The following SPNS2 variants were observed in gnomAD, a reference collection of about 807,000 sequenced individuals.
SPNS2 encodes SPNS lysolipid transporter 2, sphingosine-1-phosphate.
SPNS2 carries 37 observed loss-of-function variants against 57.6 expected under a neutral mutation model. That is an observed-to-expected ratio of 0.64 (90% CI 0.49 to 0.85). The LOEUF is 0.85. Among genes scored for constraint, SPNS2 ranks in the 40% least tolerant of loss-of-function variants. The pLI is 0.00. For synonymous variants in SPNS2, 440 were observed against 346.9 expected (o/e 1.27, Z -2.98); for missense variants, 831 against 779.1 (o/e 1.07, Z -0.79).
chr17:4,504,382 G>T (rs1390324549), intron 1 of SPNS2, among the ~76,000 whole-genome samples: 1 of 152,256 alleles, frequency 6.6e-6, no homozygotes. Context: ...CTTCCAGCAG[G>T]CTCTGCCAGC....
In SPNS2 at chr17:4,533,334, C is replaced by T. The variant is rs766702436; in HGVS notation, c.1180C>T (p.Arg394Trp). The change falls in exon 8 of 13, where the codon CGG becomes TGG. Residue 394 changes from arginine to tryptophan, a missense_variant. Physicochemically the swap from Arg to Trp is moderately radical, Grantham distance 101 (BLOSUM62 -3). Around this residue, in one of 2 missense-constraint regions of SPNS2, gnomAD observed 526 missense variants for 400.9 expected, o/e 1.31. Coordinates refer to ENST00000329078, the MANE Select transcript of SPNS2 (RefSeq NM_001124758.3). The part of the protein sequence containing the change: ...ATRWCRLKTQ[R>W]ADPLVCAVGM... ...GCGCTGGTGCCGCCTGAAGACCCAG[C>T]GGGCCGACCCACTGGTGTGTGCCGT... 2.2e-5 allele frequency: 35 copies of T among 1,611,458 alleles called. No individual in the cohort carries two copies. Among genetic ancestry groups the T allele is most frequent in the Non-Finnish European group, 2.5e-5 (29 of 1,179,558 alleles).
At chr17:4,503,316 A>G (rs1904583892) in intron 1 of SPNS2, among the ~76,000 whole-genome samples, 1 of 152,208 alleles carries the variant, frequency 6.6e-6, no homozygotes. Flanking sequence ...TTTCAGTTTA[A>G]TTGAGCCAAG....
At chr17:4,508,704 G>A (rs554912514) in intron 1 of SPNS2, among the ~76,000 whole-genome samples, 39 of 152,238 alleles carry the variant, frequency 2.6e-4, no homozygotes, top group Admixed American at 7.2e-4. Flanking sequence ...GCCAATACTC[G>A]TAGAACAGCG....
intron 3 of SPNS2, 140 bp downstream of exon 3, chr17:4,525,333 G>A: frequency 1.6e-6 from 2 of 1,250,070 alleles, no homozygotes; most frequent in Non-Finnish European, 2.2e-6. Flanking sequence ...CAGTGCAGAA[G>A]GACAGGTGGT....
chr17:4,536,259 G>T lies in SPNS2; in HGVS notation c.1444-4G>T, dbSNP rs375816086. ...CCCTGACATCCACCCCCAAATCCTC[G>T]CAGATCTCAGACCTGATCCGCCAGA... On this transcript the variant is annotated splice_region_variant and splice_polypyrimidine_tract_variant and intron_variant, in intron 10 of 12. Coordinates refer to ENST00000329078, the MANE Select transcript of SPNS2 (RefSeq NM_001124758.3). 1 of 1,611,428 alleles carries T rather than the reference G, an allele frequency of 6.2e-7. No individual in the cohort carries two copies. Among genetic ancestry groups the T allele is most frequent in the East Asian group, 2.2e-5 (1 of 44,854 alleles).
chr17:4,536,408 G>GCTGA lies in SPNS2; in HGVS notation c.1590_1591insTGAC (p.Ala531Ter), dbSNP rs1311436005. 6.2e-7 allele frequency: 1 copy of GCTGA among 1,601,460 alleles called. No individual in the cohort carries two copies. On this transcript the variant is annotated stop_gained and frameshift_variant, in exon 11 of 13. Transcript: ENST00000329078. LOFTEE classifies it high-confidence loss of function. ...ACTGCGCTCTTCTTCGTCAGCGACC[G>GCTGA]CGCCAGGGCTGAGCAGCAGTGAGTG...
In SPNS2 at chr17:4,536,389, CTCT is replaced by C. The variant is rs764334781; in HGVS notation, c.1576_1578del (p.Phe526del). ...CGGCATGTTCTTCCTCGCCACTGCGCTCTTCTTCGTCAGCGACCGCGCCAGGGC... is the reference window on the plus strand; with the variant it reads ...CGGCATGTTCTTCCTCGCCACTGCGCTCTTCGTCAGCGACCGCGCCAGGGC... On this transcript the variant is annotated inframe_deletion, in exon 11 of 13. Coordinates refer to ENST00000329078, the MANE Select transcript of SPNS2 (RefSeq NM_001124758.3). The C allele has an allele frequency of 1.3e-5, 21 of 1,606,966 alleles. No homozygotes were observed. The highest frequency in any genetic ancestry group is 8.9e-5 in the East Asian group (4 of 44,870).
In SPNS2 at chr17:4,537,568, C is replaced by T. The variant is rs999038846; in HGVS notation, c.*120C>T. 12 of 456,680 alleles carry T rather than the reference C, an allele frequency of 2.6e-5. 1 individual carries two copies. Among genetic ancestry groups the T allele is most frequent in the South Asian group, 1.5e-4 (10 of 64,582 alleles). 28.3% of individuals were successfully genotyped at this position (456,680 alleles called of 1,614,324 possible). ...TCTGTGTGATCCACGGCTAGGCACC[C>T]ACCCTCTCTGGCCCAGGCCTGCTGA... On this transcript the variant is annotated 3_prime_UTR_variant, in exon 13 of 13. Transcript: ENST00000329078.
intron 1 of SPNS2, among the ~76,000 whole-genome samples, chr17:4,505,737 A>AGAGCATC (rs1904658302): frequency 1.3e-5 from 2 of 152,120 alleles, no homozygotes; most frequent in South Asian, 4.1e-4. Flanking sequence ...AGAGGAGAGG[A>AGAGCATC]GAGCATCGGC....
chr17:4,523,206 G>A (rs1007890145), intron 2 of SPNS2, among the ~76,000 whole-genome samples: 17 of 152,188 alleles, frequency 1.1e-4, no homozygotes, highest in South Asian at 4.1e-4. Context: ...GGGAGGCCGC[G>A]GCAGGTAGAT....
At chr17:4,532,310 T>A (rs1346744052) in intron 5 of SPNS2, among the ~76,000 whole-genome samples, 2 of 152,120 alleles carry the variant, frequency 1.3e-5, no homozygotes, top group African/African-American at 4.8e-5. Flanking sequence ...TCCCTGCACC[T>A]TCCCACCTCT....
chr17:4,527,656 C>T (rs1262419191), intron 3 of SPNS2, among the ~76,000 whole-genome samples: 10 of 152,176 alleles, frequency 6.6e-5, no homozygotes, highest in Admixed American at 6.5e-4. Context: ...CTCAGCTTCT[C>T]TAGTAACCAG....
At chr17:4,500,511 A>G (rs759728887) in intron 1 of SPNS2, among the ~76,000 whole-genome samples, 1 of 152,174 alleles carries the variant, frequency 6.6e-6, no homozygotes, top group Non-Finnish European at 1.5e-5. Flanking sequence ...GGAGGAGAGC[A>G]GTACTGTGTG....
intron 1 of SPNS2, among the ~76,000 whole-genome samples, chr17:4,506,174 C>G (rs148537178): frequency 1.3e-5 from 2 of 152,274 alleles, no homozygotes; most frequent in African/African-American, 4.8e-5. Flanking sequence ...GCCTCTGTCC[C>G]GCTCACCTTC....
chr17:4,536,599 A>G, intron 11 of SPNS2, 173 bp downstream of exon 11: 4 of 849,026 alleles, frequency 4.7e-6, no homozygotes, highest in Non-Finnish European at 7.1e-6. Flanking sequence ...GTCAGCCTGG[A>G]GCTGTGGGAG....
intron 11 of SPNS2, chr17:4,536,644 TTG>T (rs1905827450): frequency 7.3e-6 from 5 of 681,764 alleles, no homozygotes; most frequent in Admixed American, 5.7e-5. Context: ...AGACTTGGGT[TTG>T]TCTCTGGACT....
chr17:4,507,556 AGAG>A, intron 1 of SPNS2, among the ~76,000 whole-genome samples: 1 of 152,376 alleles, frequency 6.6e-6, no homozygotes, highest in Non-Finnish European at 1.5e-5. Context: ...GCCATATTAC[AGAG>A]GAGGAAACTG....
chr17:4,537,313 G>A (rs916011849), intron 12 of SPNS2, 140 bp from the exon 13 acceptor site: 15 of 419,968 alleles, frequency 3.6e-5, no homozygotes, highest in Non-Finnish European at 6.4e-5. Flanking sequence ...TAGCTTCCCA[G>A]CAGCACGAGA....
At chr17:4,513,336 C>T in intron 2 of SPNS2, 24 bp downstream of exon 2, 2 of 1,612,738 alleles carry the variant, frequency 1.2e-6, no homozygotes, top group Non-Finnish European at 8.5e-7. Flanking sequence ...CCCACCTTCC[C>T]CCCCACGCCC....
Sources: allele counts gnomAD v4.1 joint callset (sites outside exome capture counted in the v4.1 genomes callset), GRCh38; gene constraint gnomAD v4.1.1; regional missense constraint gnomAD v4.1.1; transcripts MANE v1.5; gene names NCBI Gene and HGNC (gene_info 2026-07-23, HGNC 2026-07-21).